The following SHB variants were observed in gnomAD, a reference collection of about 807,000 sequenced individuals.
The protein encoded by SHB is SH2 domain-containing adapter protein B.
In SHB, 20 loss-of-function variants were observed where a neutral mutation model predicts 52.3. That is an observed-to-expected ratio of 0.38 (90% CI 0.27 to 0.56). The LOEUF is 0.56. Ranked by LOEUF, SHB falls within the 20% of genes least tolerant of loss-of-function variation. The pLI is 0.71. For missense variants in SHB, 825 were observed against 723.3 expected, an observed-to-expected ratio of 1.14 and a Z score of -1.61; for synonymous variants, 397 against 316.5, an observed-to-expected ratio of 1.25 and a Z score of -2.70.
At chr9:37,966,748 C>A (rs1820528928) in intron 3 of SHB, among the ~76,000 whole-genome samples, 1 of 152,234 alleles carries the variant, frequency 6.6e-6, no homozygotes, top group Non-Finnish European at 1.5e-5. Flanking sequence ...GTGGTGGTGG[C>A]CGGGTTTAAG....
chr9:37,992,634 G>T (rs1011157367), intron 2 of SHB, among the ~76,000 whole-genome samples: 1 of 152,164 alleles, frequency 6.6e-6, no homozygotes, highest in Non-Finnish European at 1.5e-5. Flanking sequence ...CCCATGCAGG[G>T]GGCTGGGTAA....
At position 38,067,993 on chromosome 9, in the gene SHB, T is replaced by A; in HGVS notation, c.653A>T (p.Lys218Met). The change falls in exon 1 of 6, where the codon AAG becomes ATG. Residue 218 changes from lysine to methionine, a missense_variant. Physicochemically the swap from Lys to Met is moderately conservative, Grantham distance 95. Transcript: ENST00000377707. ...GGCGGCGCACTTGTTGAGCAGTTTC[T>A]TGCCTCCGCAGGCCGTCGGGCTCCA... The part of the protein sequence containing the change: ...RTWSPTACGG[K>M]KLLNKCAASA... 6.5e-7 allele frequency: 1 copy of A among 1,541,774 alleles called. No individual in the cohort carries two copies. The highest frequency in any genetic ancestry group is 8.7e-7 in the Non-Finnish European group (1 of 1,153,634).
At chr9:38,022,342 G>T (rs1159878770) in intron 1 of SHB, among the ~76,000 whole-genome samples, 1 of 152,122 alleles carries the variant, frequency 6.6e-6, no homozygotes, top group African/African-American at 2.4e-5. Flanking sequence ...GCGACGCGTC[G>T]ACTGCATCGT....
chr9:38,031,493 T>C (rs1020324010), intron 1 of SHB, among the ~76,000 whole-genome samples: 2 of 152,236 alleles, frequency 1.3e-5, no homozygotes, highest in South Asian at 2.1e-4. Context: ...GAGATCACCA[T>C]GCTTTCTAGG....
intron 1 of SHB, among the ~76,000 whole-genome samples, chr9:38,058,606 C>G (rs1821850464): frequency 6.6e-6 from 1 of 152,194 alleles, no homozygotes; most frequent in African/African-American, 2.4e-5. Context: ...GCTCAGAACC[C>G]TCTGCTGCCC....
intron 1 of SHB, among the ~76,000 whole-genome samples, chr9:38,065,133 G>A (rs576243306): frequency 2.6e-5 from 4 of 152,324 alleles, no homozygotes; most frequent in African/African-American, 9.6e-5. Flanking sequence ...TGAGGTGCCA[G>A]AAGTGGTTTT....
At chr9:38,013,846 G>A (rs1821175032) in intron 2 of SHB, among the ~76,000 whole-genome samples, 1 of 152,092 alleles carries the variant, frequency 6.6e-6, no homozygotes, top group East Asian at 1.9e-4. Flanking sequence ...CCTGTCCCAT[G>A]TTCTGCACTC....
At chr9:37,941,110 T>A (rs1454229645) in intron 5 of SHB, among the ~76,000 whole-genome samples, 1 of 152,206 alleles carries the variant, frequency 6.6e-6, no homozygotes. Flanking sequence ...TCTTTCCAGC[T>A]GTAGCCAATA....
chr9:38,042,545 C>A (rs1821597860), intron 1 of SHB, among the ~76,000 whole-genome samples: 1 of 152,200 alleles, frequency 6.6e-6, no homozygotes, highest in Non-Finnish European at 1.5e-5. Context: ...CTGGAAAGTG[C>A]CGGTGCAGGG....
intron 1 of SHB, among the ~76,000 whole-genome samples, chr9:38,061,223 A>T (rs1821887852): frequency 6.6e-6 from 1 of 151,800 alleles, no homozygotes; most frequent in Admixed American, 6.6e-5. Context: ...GAGGTGGGAG[A>T]ATCGCCTGAG....
At chr9:37,938,533 A>G (rs1413947358) in intron 5 of SHB, among the ~76,000 whole-genome samples, 3 of 152,276 alleles carry the variant, frequency 2.0e-5, no homozygotes, top group East Asian at 1.9e-4. Flanking sequence ...CCAATGCCTC[A>G]GAAGGCAACT....
At chr9:37,972,495 C>A (rs1178049222) in intron 3 of SHB, among the ~76,000 whole-genome samples, 4 of 152,194 alleles carry the variant, frequency 2.6e-5, no homozygotes, top group African/African-American at 4.8e-5. Flanking sequence ...GACCTCACAG[C>A]CTGGCAGGCA....
chr9:37,947,533 G>A (rs934485625), intron 5 of SHB, among the ~76,000 whole-genome samples: 6 of 152,182 alleles, frequency 3.9e-5, no homozygotes, highest in African/African-American at 7.2e-5. Context: ...GACTCCCACA[G>A]CCTGTGTGCC....
intron 1 of SHB, among the ~76,000 whole-genome samples, chr9:38,018,592 G>T (rs1237817267): frequency 6.6e-6 from 1 of 151,910 alleles, no homozygotes; most frequent in Non-Finnish European, 1.5e-5. Context: ...ATTTGCTTTT[G>T]AACTTCAAAG....
intron 2 of SHB, among the ~76,000 whole-genome samples, chr9:38,006,755 C>A (rs1433848414): frequency 6.6e-6 from 1 of 152,220 alleles, no homozygotes; most frequent in African/African-American, 2.4e-5. Context: ...TTAGTGCCAG[C>A]AGCACGGGGA....
chr9:37,980,091 T>C (rs1306488406), intron 2 of SHB, among the ~76,000 whole-genome samples: 1 of 152,200 alleles, frequency 6.6e-6, no homozygotes, highest in African/African-American at 2.4e-5. Context: ...TGGAAAATTT[T>C]TTATGCCCCT....
At chr9:37,955,746 C>A in intron 4 of SHB, 137 bp downstream of exon 4, 1 of 801,278 alleles carries the variant, frequency 1.2e-6, no homozygotes, top group Non-Finnish European at 2.0e-6. Context: ...CCTCGGCCTC[C>A]CAAAGTGCTG....
intron 1 of SHB, among the ~76,000 whole-genome samples, chr9:38,050,554 A>C (rs765225129): frequency 6.6e-6 from 1 of 152,120 alleles, no homozygotes; most frequent in African/African-American, 2.4e-5. Context: ...TGAACAAAAT[A>C]TATGTTTTGT....
At chr9:38,043,090 CT>C (rs1284692465) in intron 1 of SHB, among the ~76,000 whole-genome samples, 6 of 152,210 alleles carry the variant, frequency 3.9e-5, no homozygotes, top group Non-Finnish European at 8.8e-5. Flanking sequence ...CATTCTTCCC[CT>C]ACCCAGTGTT....
Sources: gnomAD v4.1 joint callset for allele counts (sites outside exome capture counted in the v4.1 genomes callset) on GRCh38, gnomAD v4.1.1 for gene constraint, MANE v1.5 for transcripts, NCBI Gene and HGNC (gene_info 2026-07-23, HGNC 2026-07-21) for gene names.